The following DNAH11 variants were observed in gnomAD, a reference collection of about 807,000 sequenced individuals.
The protein encoded by DNAH11 is axonemal beta dynein heavy chain 11.
In DNAH11, 442 loss-of-function variants were observed where a neutral mutation model predicts 526.0. That is an observed-to-expected ratio of 0.84 (90% CI 0.78 to 0.91). The LOEUF is 0.91. DNAH11 is among the 40% of genes least tolerant of loss of function. The pLI is 0.00. For synonymous variants in DNAH11, 2,461 were observed against 1,935.9 expected, an observed-to-expected ratio of 1.27 and a Z score of -7.12; for missense variants, 6,989 against 5,448.7, an observed-to-expected ratio of 1.28 and a Z score of -8.90.
chr7:21,686,810 T>C (rs1783395728), intron 32 of DNAH11, among the ~76,000 whole-genome samples: 1 of 152,166 alleles, frequency 6.6e-6, no homozygotes, highest in Non-Finnish European at 1.5e-5. Context: ...AATTTAATAG[T>C]GTTACAAATC....
chr7:21,873,784 C>T (rs201536022), intron 74 of DNAH11, among the ~76,000 whole-genome samples: 73 of 70,706 alleles, frequency 1.0e-3, no homozygotes, highest in African/African-American at 1.5e-3. Flanking sequence ...GAGGAGGTTG[C>T]TTTTTTTTTT....
chr7:21,760,269 C>T (rs1041309093), intron 54 of DNAH11, among the ~76,000 whole-genome samples: 1 of 152,162 alleles, frequency 6.6e-6, no homozygotes, highest in African/African-American at 2.4e-5. Context: ...ACTGAAGCCT[C>T]CTACAGAGAG....
chr7:21,720,574 AG>A (rs1386363203), intron 43 of DNAH11, 150 bp from the exon 44 acceptor site: 11 of 739,476 alleles, frequency 1.5e-5, no homozygotes, highest in South Asian at 1.0e-4. Context: ...TAGACACCCA[AG>A]GTGGTAATTT....
chr7:21,588,476 C>T (rs927491394), intron 10 of DNAH11, 36 bp from the exon 11 acceptor site: 1 of 1,609,754 alleles, frequency 6.2e-7, no homozygotes, highest in Middle Eastern at 1.7e-4. Context: ...ACTAAATGTT[C>T]CCTTTCTTCC....
chr7:21,585,508 C>T (rs186173115), intron 9 of DNAH11, among the ~76,000 whole-genome samples: 14 of 152,196 alleles, frequency 9.2e-5, no homozygotes, highest in South Asian at 4.1e-4. Context: ...GGAAGGGCAC[C>T]GGAACTGAGC....
intron 30 of DNAH11, among the ~76,000 whole-genome samples, chr7:21,659,740 C>T (rs1782165941): frequency 6.6e-6 from 1 of 152,076 alleles, no homozygotes; most frequent in East Asian, 1.9e-4. Context: ...TACCTTCTTC[C>T]TGGTACTGAG....
Position 21,873,605 on chromosome 7 carries a change from A to C in DNAH11, c.12195+104A>C, listed in dbSNP as rs1326000922. The stretch of plus-strand genomic sequence containing the variant: ...GCATGTCATTGAGAGGGATGAAGCA[A>C]GTTCTTAATGTTCGCATGTGGAAGG... On this transcript the variant is annotated intron_variant, in intron 74 of 81. Transcript: ENST00000409508. 4 of 1,124,428 alleles carry C rather than the reference A, an allele frequency of 3.6e-6. No individual in the cohort carries two copies. In the Admixed American group the frequency reaches 6.4e-5, roughly 18 times the overall value. 69.7% of individuals were successfully genotyped at this position (1,124,428 alleles called of 1,614,324 possible). A position where few individuals can be genotyped will look rare whatever the true frequency, so the allele number is the denominator to read the frequency against.
intron 76 of DNAH11, among the ~76,000 whole-genome samples, chr7:21,885,153 C>G (rs558398275): frequency 9.7e-6 from 1 of 103,290 alleles, no homozygotes; most frequent in African/African-American, 3.2e-5. Context: ...TTATTTGGAT[C>G]TTGTTCCAAA....
intron 66 of DNAH11, among the ~76,000 whole-genome samples, chr7:21,849,882 A>G (rs1017820118): frequency 6.6e-6 from 1 of 151,208 alleles, no homozygotes; most frequent in South Asian, 2.1e-4. Context: ...ATTTTTAGCT[A>G]CCATTATTTC....
At chr7:21,754,269 T>C (rs573880710) in intron 54 of DNAH11, among the ~76,000 whole-genome samples, 4 of 152,230 alleles carry the variant, frequency 2.6e-5, no homozygotes, top group Non-Finnish European at 5.9e-5. Flanking sequence ...GTCAAAGAAG[T>C]ATCTACCTAG....
At chr7:21,589,542 A>G in intron 12 of DNAH11, 139 bp downstream of exon 12, 2 of 648,650 alleles carry the variant, frequency 3.1e-6, no homozygotes, top group Non-Finnish European at 2.5e-6. Context: ...AATTTCTTAC[A>G]GGTCTTCATT....
intron 65 of DNAH11, among the ~76,000 whole-genome samples, chr7:21,818,908 T>C (rs1267327467): frequency 6.6e-6 from 1 of 152,138 alleles, no homozygotes; most frequent in Non-Finnish European, 1.5e-5. Context: ...CTCCAGGAGC[T>C]ATATGTGACT....
chr7:21,796,850 T>C (rs994551392), intron 61 of DNAH11, among the ~76,000 whole-genome samples: 1 of 152,242 alleles, frequency 6.6e-6, no homozygotes, highest in African/African-American at 2.4e-5. Flanking sequence ...ATACTTAGAA[T>C]AGTGCTGGGT....
chr7:21,769,054 C>T (rs1023781728), intron 55 of DNAH11, among the ~76,000 whole-genome samples: 3 of 149,156 alleles, frequency 2.0e-5, no homozygotes, highest in African/African-American at 7.6e-5. Context: ...AGAAAGATAA[C>T]CTTATGCAGT....
At chr7:21,645,952 A>G (rs919493071) in intron 28 of DNAH11, among the ~76,000 whole-genome samples, 4 of 152,340 alleles carry the variant, frequency 2.6e-5, no homozygotes, top group South Asian at 2.1e-4. Flanking sequence ...AAATTTGACT[A>G]TGTTAAAATT....
intron 61 of DNAH11, among the ~76,000 whole-genome samples, chr7:21,800,239 TC>T (rs1286152002): frequency 6.6e-6 from 1 of 152,170 alleles, no homozygotes. Flanking sequence ...TGGAAGGTGT[TC>T]CCTCTTTAAA....
intron 9 of DNAH11, among the ~76,000 whole-genome samples, chr7:21,585,857 G>A (rs779980867): frequency 1.3e-5 from 2 of 152,188 alleles, no homozygotes; most frequent in Non-Finnish European, 2.9e-5. Flanking sequence ...AAACCTTGCA[G>A]ATCTCAGATG....
intron 28 of DNAH11, among the ~76,000 whole-genome samples, chr7:21,653,697 G>C (rs941944395): frequency 6.6e-6 from 1 of 152,158 alleles, no homozygotes; most frequent in Non-Finnish European, 1.5e-5. Context: ...GAGGAGAATA[G>C]AACCCAAGCT....
intron 61 of DNAH11, among the ~76,000 whole-genome samples, chr7:21,792,515 A>G (rs994623969): frequency 2.0e-5 from 3 of 152,184 alleles, no homozygotes; most frequent in Non-Finnish European, 2.9e-5. Flanking sequence ...CAGTAAAGCC[A>G]TTAGGTCCTA....
Sources: gnomAD v4.1 joint callset for allele counts (sites outside exome capture counted in the v4.1 genomes callset) on GRCh38, gnomAD v4.1.1 for gene constraint, MANE v1.5 for transcripts, NCBI Gene and HGNC (gene_info 2026-07-23, HGNC 2026-07-21) for gene names.